The following NRXN3 variants were observed in gnomAD, a reference collection of about 807,000 sequenced individuals.
NRXN3 encodes neurexin 3.
In NRXN3, 32 loss-of-function variants were observed where a neutral mutation model predicts 137.6. That is an observed-to-expected ratio of 0.23 (90% CI 0.18 to 0.31). NRXN3 has a LOEUF of 0.31. Among genes scored for constraint, NRXN3 ranks in the 10% least tolerant of loss-of-function variants. NRXN3 has a pLI of 1.00. For synonymous variants in NRXN3, 798 were observed against 784.5 expected, an observed-to-expected ratio of 1.02 and a Z score of -0.29; for missense variants, 1,574 against 2,062.5, an observed-to-expected ratio of 0.76 and a Z score of 4.59.
At chr14:78,377,507 ATAGGAAAT>A (rs2088112994) in intron 4 of NRXN3, among the ~76,000 whole-genome samples, 1 of 152,254 alleles carries the variant, frequency 6.6e-6, no homozygotes, top group Admixed American at 6.5e-5. Context: ...ATAAATTGAT[ATAGGAAAT>A]CAGCAAGGAT....
intron 8 of NRXN3, among the ~76,000 whole-genome samples, chr14:78,796,265 C>T (rs2098821462): frequency 6.6e-6 from 1 of 152,196 alleles, no homozygotes; most frequent in East Asian, 1.9e-4. Context: ...CTGAAAAGGC[C>T]AGAGTCCACC....
chr14:79,412,023 T>C (rs2095423962), intron 15 of NRXN3, among the ~76,000 whole-genome samples: 1 of 152,132 alleles, frequency 6.6e-6, no homozygotes, highest in Non-Finnish European at 1.5e-5. Flanking sequence ...GGGAGTAGTA[T>C]AATTGACATG....
intron 4 of NRXN3, among the ~76,000 whole-genome samples, chr14:78,435,377 T>C (rs906918837): frequency 1.3e-5 from 2 of 152,156 alleles, no homozygotes; most frequent in East Asian, 3.9e-4. Context: ...GATTGTTACC[T>C]TCATTTCACA....
chr14:78,424,516 A>G (rs997412003), intron 4 of NRXN3, among the ~76,000 whole-genome samples: 1 of 152,224 alleles, frequency 6.6e-6, no homozygotes, highest in African/African-American at 2.4e-5. Flanking sequence ...TTCAGTAGCC[A>G]GTTTAGTTTA....
At chr14:79,653,180 A>C (rs2098485432) in intron 16 of NRXN3, among the ~76,000 whole-genome samples, 1 of 152,160 alleles carries the variant, frequency 6.6e-6, no homozygotes. Context: ...CAAGATGATG[A>C]CACAGTAGAT....
chr14:78,176,703 G>C (rs371867084), intron 1 of NRXN3, among the ~76,000 whole-genome samples: 1 of 152,168 alleles, frequency 6.6e-6, no homozygotes, highest in African/African-American at 2.4e-5. Flanking sequence ...CTAGAATCAA[G>C]GTTTCCTGGC....
At chr14:78,985,439 G>A (rs963905859) in intron 14 of NRXN3, among the ~76,000 whole-genome samples, 5 of 152,142 alleles carry the variant, frequency 3.3e-5, no homozygotes, top group African/African-American at 7.2e-5. Context: ...AATTAATGAC[G>A]CAGATAATAA....
intron 4 of NRXN3, among the ~76,000 whole-genome samples, chr14:78,582,307 C>T (rs1467354003): frequency 6.6e-6 from 1 of 152,236 alleles, no homozygotes; most frequent in Admixed American, 6.5e-5. Context: ...TCCTCCATTA[C>T]TGCTTAGGTT....
At chr14:78,525,231 G>T (rs2096359687) in intron 4 of NRXN3, among the ~76,000 whole-genome samples, 1 of 152,146 alleles carries the variant, frequency 6.6e-6, no homozygotes. Context: ...TTTAGTAGGG[G>T]AAAACTAAAT....
chr14:79,107,592 G>A (rs1199301156), intron 15 of NRXN3, among the ~76,000 whole-genome samples: 1 of 152,136 alleles, frequency 6.6e-6, no homozygotes, highest in African/African-American at 2.4e-5. Context: ...GAAAAGGGAA[G>A]ATTACTTAGA....
chr14:78,724,806 C>T (rs1167719642), intron 8 of NRXN3, among the ~76,000 whole-genome samples: 1 of 152,120 alleles, frequency 6.6e-6, no homozygotes, highest in Non-Finnish European at 1.5e-5. Flanking sequence ...ATATATTTCT[C>T]TTCTCTTTCT....
intron 15 of NRXN3, among the ~76,000 whole-genome samples, chr14:79,038,533 G>C (rs2099619984): frequency 6.6e-6 from 1 of 152,064 alleles, no homozygotes; most frequent in African/African-American, 2.4e-5. Flanking sequence ...GCAGGTTTCT[G>C]TTTTTCCACT....
intron 4 of NRXN3, among the ~76,000 whole-genome samples, chr14:78,552,384 T>C (rs1290571014): frequency 6.6e-6 from 1 of 152,224 alleles, no homozygotes; most frequent in African/African-American, 2.4e-5. Flanking sequence ...CTGTGCCTTG[T>C]AGCACATCTT....
At chr14:79,512,856 G>C (rs1431946190) in intron 16 of NRXN3, among the ~76,000 whole-genome samples, 2 of 152,180 alleles carry the variant, frequency 1.3e-5, no homozygotes, top group Admixed American at 1.3e-4. Flanking sequence ...AACCTATTCT[G>C]TATGGCATAA....
At chr14:78,454,103 G>C (rs2094620673) in intron 4 of NRXN3, among the ~76,000 whole-genome samples, 3 of 152,148 alleles carry the variant, frequency 2.0e-5, no homozygotes, top group African/African-American at 7.2e-5. Context: ...AGAGTCTACT[G>C]TGTGCCAGGC....
chr14:79,222,451 A>C (rs1428448301), intron 15 of NRXN3, among the ~76,000 whole-genome samples: 1 of 152,094 alleles, frequency 6.6e-6, no homozygotes. Flanking sequence ...GTTGGTTTTA[A>C]GTTTGGGCAA....
intron 1 of NRXN3, among the ~76,000 whole-genome samples, chr14:78,195,563 C>T (rs905176795): frequency 2.0e-5 from 3 of 151,974 alleles, no homozygotes; most frequent in East Asian, 1.9e-4. Flanking sequence ...TAGAGAGGTG[C>T]GGGGACAGCC....
intron 4 of NRXN3, among the ~76,000 whole-genome samples, chr14:78,419,393 A>G (rs2093323743): frequency 6.6e-6 from 1 of 151,884 alleles, no homozygotes; most frequent in African/African-American, 2.4e-5. Flanking sequence ...GCTTGCCTCT[A>G]CCACCTGGCT....
At chr14:78,834,239 C>T (rs563457374) in intron 10 of NRXN3, among the ~76,000 whole-genome samples, 102 of 152,078 alleles carry the variant, frequency 6.7e-4, no homozygotes, top group African/African-American at 2.4e-3. Flanking sequence ...GATGTGATTC[C>T]GTTATGTATT....
Sources: allele counts gnomAD v4.1 joint callset (sites outside exome capture counted in the v4.1 genomes callset), GRCh38; gene constraint gnomAD v4.1.1; transcripts MANE v1.5; gene names NCBI Gene and HGNC (gene_info 2026-07-23, HGNC 2026-07-21).